Variants in GARRE1 observed in about 807,000 individuals in gnomAD.
GARRE1 encodes the protein granule associated Rac and RHOG effector 1, also known as granule associated Rac and RHOG effector protein 1.
In GARRE1, 49 loss-of-function variants were observed where a neutral mutation model predicts 103.2. The observed-to-expected ratio is 0.47, with a 90% CI of 0.38 to 0.60. The LOEUF (loss-of-function observed/expected upper bound fraction) is 0.60. Among genes scored for constraint, GARRE1 ranks in the 20% least tolerant of loss-of-function variants. The pLI, the probability that GARRE1 is intolerant of heterozygous loss-of-function variation, is 0.00. For synonymous variants in GARRE1, 505 were observed against 532.8 expected (o/e 0.95, Z 0.72); for missense variants, 1,199 against 1,370.5 (o/e 0.87, Z 1.98).
At chr19:34,350,764 G>A (rs1353037022) in intron 12 of GARRE1, among the ~76,000 whole-genome samples, 1 of 151,988 alleles carries the variant, frequency 6.6e-6, no homozygotes, top group Non-Finnish European at 1.5e-5. Context: ...TGTATTTTTA[G>A]TAGAGACAGG....
intron 1 of GARRE1, among the ~76,000 whole-genome samples, chr19:34,294,212 G>A (rs1171765784): frequency 6.6e-6 from 1 of 151,176 alleles, no homozygotes; most frequent in Non-Finnish European, 1.5e-5. Flanking sequence ...TTGGGGTCAC[G>A]AGTTCAAGGC....
chr19:34,339,912 C>G lies in GARRE1; in HGVS notation c.1407C>G (p.Ser469Arg). 6.2e-7 allele frequency: 1 copy of G among 1,614,110 alleles called. No individual in the cohort carries two copies. The highest frequency in any genetic ancestry group is 1.1e-5 in the South Asian group (1 of 91,080). The change falls in exon 9 of 14, where the codon AGC becomes AGG. Residue 469 changes from serine to arginine, a missense_variant. By Grantham distance (110) the Ser-to-Arg change is moderately radical. Coordinates refer to ENST00000299505, the MANE Select transcript of GARRE1 (RefSeq NM_014686.5). ...CTACCATGTCCCTGCTGCAGAGAAGCCTTGATCCTGAGAAGACCCTGGGTC... is the reference window on the plus strand; with the variant it reads ...CTACCATGTCCCTGCTGCAGAGAAGGCTTGATCCTGAGAAGACCCTGGGTC... ...DPATMSLLQR[S>R]LDPEKTLGLV...
chr19:34,317,126 C>A (rs565327928), intron 2 of GARRE1, among the ~76,000 whole-genome samples: 1 of 152,340 alleles, frequency 6.6e-6, no homozygotes, highest in Non-Finnish European at 1.5e-5. Flanking sequence ...GTAGCTCTCC[C>A]TTTGCCCTCG....
In GARRE1 at chr19:34,354,351, C is replaced by A. The variant is rs2074258400; in HGVS notation, c.*1396C>A. 6.6e-6 allele frequency: 1 copy of A among 152,074 alleles called. No individual in the cohort carries two copies. Among genetic ancestry groups the A allele is most frequent in the African/African-American group, 2.4e-5 (1 of 41,408 alleles). 9.4% of individuals were successfully genotyped at this position (152,074 alleles called of 1,614,324 possible). Reference sequence around the variant, plus strand: ...ACACATTTATGTTCTCGTTTTTCTACAGATATAAGTAAATTTATATATAAA... The same window carrying A: ...ACACATTTATGTTCTCGTTTTTCTAAAGATATAAGTAAATTTATATATAAA... On this transcript the variant is annotated 3_prime_UTR_variant, in exon 14 of 14. Coordinates refer to ENST00000299505, the MANE Select transcript of GARRE1 (RefSeq NM_014686.5).
rs574613965 is a variant in GARRE1, at chr19:34,256,971, G to GA, written c.-796+2358dup. ...GACAAGATAACAAACTCCATATGAAGAGTTCAGGTTTGTTGTGGCAACTTT... is the reference window on the plus strand; with the variant it reads ...GACAAGATAACAAACTCCATATGAAGAAGTTCAGGTTTGTTGTGGCAACTTT... On this transcript the variant is annotated intron_variant, in intron 1 of 13. Coordinates refer to ENST00000299505, the MANE Select transcript of GARRE1 (RefSeq NM_014686.5). Among the ~76,000 whole-genome samples the GA allele has an allele frequency of 1.6e-4, 24 of 152,070 alleles. No homozygotes were observed. The East Asian group carries it at 4.6e-3, about 29-fold the overall frequency.
chr19:34,327,817 T>C lies in GARRE1; in HGVS notation c.893T>C (p.Met298Thr). Residue 298 changes from methionine to threonine, a missense_variant, in exon 5 of 14, where the codon ATG becomes ACG. By Grantham distance (81) the Met-to-Thr change is moderately conservative (BLOSUM62 -1). Transcript: ENST00000299505. Reference sequence around the variant, plus strand: ...AGCTTAGGACACTGTGAATATGCAATGAAAGCCGGCTTCCACCTGAATCCA... The same window carrying C: ...AGCTTAGGACACTGTGAATATGCAACGAAAGCCGGCTTCCACCTGAATCCA... ...LESLGHCEYA[M>T]KAGFHLNPKA... 2 of 1,614,242 alleles carry C rather than the reference T, an allele frequency of 1.2e-6. No individual in the cohort carries two copies. Among genetic ancestry groups the C allele is most frequent in the South Asian group, 2.2e-5 (2 of 91,084 alleles).
In GARRE1 at chr19:34,327,561, AG is replaced by A; in HGVS notation, c.846+1del. 6.2e-7 allele frequency: 1 copy of A among 1,613,554 alleles called. No homozygotes were observed. Among genetic ancestry groups the A allele is most frequent in the Non-Finnish European group, 8.5e-7 (1 of 1,179,890 alleles). On this transcript the variant is annotated splice_donor_variant, in intron 4 of 13. Transcript: ENST00000299505. LOFTEE classifies it high-confidence loss of function. The stretch of plus-strand genomic sequence containing the variant: ...ACATAAAAATCGACAGTGCTTTGCA[AG>A]TAAGTTTTTCAGAACTGACATACTG...
chr19:34,261,122 T>C (rs2073715338), intron 1 of GARRE1, among the ~76,000 whole-genome samples: 1 of 152,198 alleles, frequency 6.6e-6, no homozygotes, highest in Non-Finnish European at 1.5e-5. Context: ...CCCAGTACCA[T>C]CTGAGTAGAA....
intron 1 of GARRE1, among the ~76,000 whole-genome samples, chr19:34,289,753 G>A (rs1355401440): frequency 6.6e-6 from 1 of 151,788 alleles, no homozygotes; most frequent in Non-Finnish European, 1.5e-5. Context: ...GTAAATATTA[G>A]GTTAAGCCAT....
chr19:34,318,971 C>T (rs1441055389), intron 2 of GARRE1, among the ~76,000 whole-genome samples: 1 of 151,798 alleles, frequency 6.6e-6, no homozygotes, highest in African/African-American at 2.4e-5. Context: ...GCCGAGATCA[C>T]GCCACTGCAC....
intron 1 of GARRE1, among the ~76,000 whole-genome samples, chr19:34,291,861 C>CTTT (rs35386109): frequency 7.0e-6 from 1 of 142,126 alleles, no homozygotes; most frequent in African/African-American, 2.6e-5. Context: ...CATAAATCTA[C>CTTT]TTTTTTTTTT....
intron 12 of GARRE1, among the ~76,000 whole-genome samples, chr19:34,350,213 C>T (rs887344078): frequency 3.9e-5 from 6 of 152,252 alleles, no homozygotes; most frequent in South Asian, 4.1e-4. Flanking sequence ...GAACAAAGTG[C>T]GGCAGCAACT....
At chr19:34,296,397 A>C (rs1284994536) in intron 1 of GARRE1, 3 of 1,513,492 alleles carry the variant, frequency 2.0e-6, no homozygotes, top group Non-Finnish European at 2.7e-6. Flanking sequence ...GCACAGCCTG[A>C]GTCCCTTGGC....
intron 7 of GARRE1, among the ~76,000 whole-genome samples, chr19:34,333,397 T>C (rs2074146138): frequency 6.6e-6 from 1 of 152,246 alleles, no homozygotes; most frequent in Non-Finnish European, 1.5e-5. Context: ...TAAAAAATAC[T>C]AAGATAAAGG....
At position 34,330,408 on chromosome 19, in the gene GARRE1, A is replaced by G. The variant is rs1274268461; in HGVS notation, c.1263+61A>G. 5 of 1,537,678 alleles carry G rather than the reference A, an allele frequency of 3.3e-6. No homozygotes were observed. The South Asian group carries it at 5.6e-5, about 17-fold the overall frequency. Reference sequence around the variant, plus strand: ...ACCAAGATGTTTCAAGCATGTGAGGATGTGGTGCAGACACATGTGTGAAAA... The same window carrying G: ...ACCAAGATGTTTCAAGCATGTGAGGGTGTGGTGCAGACACATGTGTGAAAA... On this transcript the variant is annotated intron_variant, in intron 7 of 13. Transcript: ENST00000299505.
At chr19:34,343,340 G>A (rs2074195857) in intron 10 of GARRE1, among the ~76,000 whole-genome samples, 1 of 151,646 alleles carries the variant, frequency 6.6e-6, no homozygotes, top group South Asian at 2.1e-4. Context: ...AGGAAGCTGA[G>A]GCGGTAGGAT....
At chr19:34,349,234 GA>G in intron 12 of GARRE1, 81 bp downstream of exon 12, 1 of 1,439,882 alleles carries the variant, frequency 6.9e-7, no homozygotes, top group South Asian at 1.2e-5. Context: ...GGAAAGCCAG[GA>G]GCCCAGTCAC....
chr19:34,347,575 C>T (rs920654693), intron 10 of GARRE1, among the ~76,000 whole-genome samples: 2 of 152,178 alleles, frequency 1.3e-5, no homozygotes, highest in African/African-American at 2.4e-5. Flanking sequence ...AAAATCTAGT[C>T]GTAGGGAAAT....
At chr19:34,322,102 T>A (rs1404655735) in intron 3 of GARRE1, among the ~76,000 whole-genome samples, 3 of 152,192 alleles carry the variant, frequency 2.0e-5, no homozygotes, top group Admixed American at 6.5e-5. Flanking sequence ...CAGAAGAATT[T>A]AAGCTTAAAT....
Sources: gnomAD v4.1 joint callset for allele counts (sites outside exome capture counted in the v4.1 genomes callset) on GRCh38, gnomAD v4.1.1 for gene constraint, MANE v1.5 for transcripts, NCBI Gene and HGNC (gene_info 2026-07-23, HGNC 2026-07-21) for gene names.